Variants in KLRG1 observed in about 807,000 individuals in gnomAD.
The protein encoded by KLRG1 is killer cell lectin-like receptor subfamily G member 1.
A neutral mutation model predicts 21.8 loss-of-function variants in KLRG1; 16 were observed. The ratio of observed to expected loss-of-function variants is 0.73; its 90% CI spans 0.50 to 1.11. The LOEUF (loss-of-function observed/expected upper bound fraction) is 1.11. KLRG1 is among the 50% of genes most tolerant of loss of function. The probability of loss-of-function intolerance (pLI) is 0.00; values close to 1 mark genes in which losing one functional copy is unlikely to be tolerated. For missense variants in KLRG1, 173 were observed against 218.3 expected, an observed-to-expected ratio of 0.79 and a Z score of 1.31; for synonymous variants, 69 against 75.9, an observed-to-expected ratio of 0.91 and a Z score of 0.47.
At chr12:9,073,483 T>G in the KLRG1 span, among the ~76,000 whole-genome samples, 1 of 152,248 alleles carries the variant, frequency 6.6e-6, no homozygotes, top group African/African-American at 2.4e-5. Context: ...TCAACAACAT[T>G]AAACCTGCTT....
chr12:9,038,349 G>A, the KLRG1 span, among the ~76,000 whole-genome samples: 162 of 152,296 alleles, frequency 1.1e-3, no homozygotes, highest in African/African-American at 3.8e-3. Context: ...AGCCAAAGCT[G>A]CTGAAGCTGC....
At chr12:9,096,952 A>G in the KLRG1 span, among the ~76,000 whole-genome samples, 1 of 152,182 alleles carries the variant, frequency 6.6e-6, no homozygotes. Flanking sequence ...GACCTACACT[A>G]GTAGCAGCAA....
intron 3 of KLRG1, among the ~76,000 whole-genome samples, chr12:8,997,648 A>G (rs768213947): frequency 5.3e-5 from 8 of 152,190 alleles, no homozygotes; most frequent in Non-Finnish European, 7.3e-5. Flanking sequence ...TTATGCTGTT[A>G]AACGGTCATC....
the KLRG1 span, among the ~76,000 whole-genome samples, chr12:9,131,600 A>G: frequency 1.3e-5 from 2 of 152,134 alleles, no homozygotes; most frequent in Non-Finnish European, 2.9e-5. Context: ...TCCACAAAGG[A>G]TAAGATGTTG....
At chr12:9,025,915 T>TG in the KLRG1 span, among the ~76,000 whole-genome samples, 6 of 152,126 alleles carry the variant, frequency 3.9e-5, no homozygotes, top group Admixed American at 1.3e-4. Flanking sequence ...ATAATAGGTT[T>TG]GGGGGTCTAT....
the KLRG1 span, chr12:9,079,626 A>G: frequency 1.2e-6 from 2 of 1,607,474 alleles, no homozygotes; most frequent in Non-Finnish European, 1.7e-6. Flanking sequence ...CCCTTACTCA[A>G]GTAATCACTC....
chr12:9,154,877 AATAAGT>A, the KLRG1 span: 1 of 1,551,632 alleles, frequency 6.4e-7, no homozygotes, highest in Non-Finnish European at 8.8e-7. Flanking sequence ...GTAACTCATC[AATAAGT>A]AATTATAACT....
At chr12:9,060,149 T>G in the KLRG1 span, among the ~76,000 whole-genome samples, 10 of 151,728 alleles carry the variant, frequency 6.6e-5, no homozygotes, top group Admixed American at 2.0e-4. Flanking sequence ...GGACTACAGG[T>G]GCCCGCCACC....
the KLRG1 span, among the ~76,000 whole-genome samples, chr12:9,206,884 A>G: frequency 2.0e-5 from 3 of 152,192 alleles, no homozygotes; most frequent in African/African-American, 7.2e-5. Context: ...CTGACCCAAT[A>G]CACGCTACTC....
intron 3 of KLRG1, among the ~76,000 whole-genome samples, chr12:9,005,704 G>A (rs1182486186): frequency 6.6e-6 from 1 of 152,190 alleles, no homozygotes; most frequent in Non-Finnish European, 1.5e-5. Flanking sequence ...CACCAGTTTC[G>A]TGGAAGACAA....
the KLRG1 span, chr12:9,074,596 CT>C: frequency 6.2e-7 from 1 of 1,613,468 alleles, no homozygotes; most frequent in Non-Finnish European, 8.5e-7. Flanking sequence ...CATTCTGCTG[CT>C]TCGTGATCCA....
At chr12:9,144,433 G>C in the KLRG1 span, among the ~76,000 whole-genome samples, 5 of 151,854 alleles carry the variant, frequency 3.3e-5, no homozygotes, top group Admixed American at 3.3e-4. Context: ...TCAGGATCCA[G>C]TGGGATGAGC....
At chr12:9,035,322 T>G in the KLRG1 span, among the ~76,000 whole-genome samples, 1 of 151,978 alleles carries the variant, frequency 6.6e-6, no homozygotes, top group Non-Finnish European at 1.5e-5. Flanking sequence ...CTGGAAACCA[T>G]CATTCTCAGC....
At chr12:9,174,166 G>T in the KLRG1 span, among the ~76,000 whole-genome samples, 1 of 152,166 alleles carries the variant, frequency 6.6e-6, no homozygotes, top group Non-Finnish European at 1.5e-5. Context: ...TGCAAGCTTG[G>T]CTCAACATAC....
the KLRG1 span, among the ~76,000 whole-genome samples, chr12:9,138,585 A>T: frequency 6.6e-6 from 1 of 151,518 alleles, no homozygotes; most frequent in Admixed American, 6.6e-5. Flanking sequence ...GCACTTTTTT[A>T]AAAAAATGTG....
chr12:9,146,043 T>C, the KLRG1 span, among the ~76,000 whole-genome samples: 1 of 152,206 alleles, frequency 6.6e-6, no homozygotes, highest in Non-Finnish European at 1.5e-5. Context: ...TTAGTTATTT[T>C]TGAACCTGGA....
chr12:9,010,861 C>T (rs1440455116), downstream of KLRG1: 2 of 152,190 alleles, frequency 1.3e-5, no homozygotes, highest in African/African-American at 4.8e-5. Flanking sequence ...TATGAGTCTT[C>T]AGTAGCTAAC....
chr12:8,981,949 T>A (rs1190069222), intron 1 of KLRG1, among the ~76,000 whole-genome samples: 1 of 152,236 alleles, frequency 6.6e-6, no homozygotes, highest in Non-Finnish European at 1.5e-5. Flanking sequence ...TTATATATGC[T>A]TGATGCAATC....
At chr12:8,966,292 T>A (rs1946470586) in intron 1 of KLRG1, among the ~76,000 whole-genome samples, 1 of 152,000 alleles carries the variant, frequency 6.6e-6, no homozygotes, top group Non-Finnish European at 1.5e-5. Flanking sequence ...GGACTTCATG[T>A]CTAAAACACC....
Sources: allele counts gnomAD v4.1 joint callset (sites outside exome capture counted in the v4.1 genomes callset), GRCh38; gene constraint gnomAD v4.1.1; transcripts MANE v1.5; gene names NCBI Gene and HGNC (gene_info 2026-07-23, HGNC 2026-07-21).